Variants in TENM2 observed in about 807,000 individuals in gnomAD.
TENM2 encodes teneurin-2.
TENM2 carries 52 observed loss-of-function variants against 245.2 expected under a neutral mutation model. The observed-to-expected ratio is 0.21, with a 90% CI of 0.17 to 0.27. TENM2 has a LOEUF of 0.27. TENM2 is among the 10% of genes least tolerant of loss of function. TENM2 has a pLI of 1.00. For missense variants in TENM2, 3,046 were observed against 3,666.8 expected, an observed-to-expected ratio of 0.83 and a Z score of 4.37; for synonymous variants, 1,363 against 1,438.9, an observed-to-expected ratio of 0.95 and a Z score of 1.19.
At chr5:167,505,775 A>G (rs1341396154) in intron 2 of TENM2, among the ~76,000 whole-genome samples, 1 of 152,210 alleles carries the variant, frequency 6.6e-6, no homozygotes, top group African/African-American at 2.4e-5. Context: ...CATAAGTTGT[A>G]TAATTACTAG....
At chr5:167,578,238 C>T (rs1350959207) in intron 2 of TENM2, among the ~76,000 whole-genome samples, 1 of 152,140 alleles carries the variant, frequency 6.6e-6, no homozygotes, top group Non-Finnish European at 1.5e-5. Context: ...TCTATTCTTC[C>T]GTTAAATTGC....
Position 167,836,138 on chromosome 5 carries a change from C to CT in TENM2, c.503-39842dup, listed in dbSNP as rs573977271. The stretch of plus-strand genomic sequence containing the variant: ...AAGTTTTATTAACAAGTGACAATTA[C>CT]TTTTTTATGATACATTTAAGATAGT... On this transcript the variant is annotated intron_variant, in intron 2 of 28. Transcript: ENST00000518659. Among the ~76,000 whole-genome samples the CT allele has an allele frequency of 3.4e-3, 516 of 152,254 alleles. 3 individuals are homozygous for CT. Among genetic ancestry groups the CT allele is most frequent in the Middle Eastern group, 0.01 (3 of 292 alleles).
In TENM2 at chr5:167,515,457, G is replaced by A. The variant is rs1056692161; in HGVS notation, c.502+139984G>A. On this transcript the variant is annotated intron_variant, in intron 2 of 28. Coordinates refer to ENST00000518659, the Ensembl canonical transcript of TENM2. ...ATGAAAAGACACATAGTTTAGAAAT[G>A]TAGATCACCTTTTCATTGCCAATGG... 2.6e-5 allele frequency among the ~76,000 whole-genome samples: 4 copies of A among 151,604 alleles called. No individual in the cohort carries two copies. In the East Asian group the frequency reaches 5.9e-4, roughly 22 times the overall value.
chr5:168,039,233 G>A (rs184322181), intron 5 of TENM2, among the ~76,000 whole-genome samples: 274 of 152,248 alleles, frequency 1.8e-3, no homozygotes, highest in Middle Eastern at 0.01. Context: ...CGCGTGCCAC[G>A]TGCAGCCTGC....
At chr5:167,647,243 C>T (rs928588256) in intron 2 of TENM2, among the ~76,000 whole-genome samples, 4 of 152,196 alleles carry the variant, frequency 2.6e-5, no homozygotes, top group South Asian at 2.1e-4. Context: ...GTTGATGGAT[C>T]CACGGTGGGG....
chr5:167,899,021 G>A (rs753510883), intron 3 of TENM2, among the ~76,000 whole-genome samples: 14 of 152,054 alleles, frequency 9.2e-5, no homozygotes, highest in Non-Finnish European at 1.8e-4. Flanking sequence ...AAGAATGGAA[G>A]GGAAGAGAAG....
At chr5:167,765,301 C>G (rs891269536) in intron 2 of TENM2, among the ~76,000 whole-genome samples, 1 of 152,104 alleles carries the variant, frequency 6.6e-6, no homozygotes, top group Non-Finnish European at 1.5e-5. Context: ...TGTTTCTTTC[C>G]GTTTACAAAT....
intron 3 of TENM2, among the ~76,000 whole-genome samples, chr5:167,921,113 G>T (rs534960983): frequency 1.2e-4 from 19 of 152,294 alleles, no homozygotes; most frequent in African/African-American, 4.3e-4. Context: ...GAAAATATAT[G>T]ATTTCACCAT....
the TENM2 span, among the ~76,000 whole-genome samples, chr5:166,991,323 A>G: frequency 6.6e-6 from 1 of 152,036 alleles, no homozygotes; most frequent in Non-Finnish European, 1.5e-5. Flanking sequence ...GAATAAGAAC[A>G]TATACCAGTA....
chr5:167,945,494 T>C (rs183378497), intron 3 of TENM2, among the ~76,000 whole-genome samples: 1 of 152,304 alleles, frequency 6.6e-6, no homozygotes, highest in East Asian at 1.9e-4. Flanking sequence ...GTAGAGTGCT[T>C]ATCACACAGT....
intron 14 of TENM2, among the ~76,000 whole-genome samples, chr5:168,194,044 C>T (rs12659719): frequency 0.5 from 76,656 of 151,934 alleles, 20,159 homozygotes; most frequent in Admixed American, 0.6. Flanking sequence ...AGCATCCCTC[C>T]GGTTTTCAGG....
chr5:168,202,319 G>T (rs941870033), intron 17 of TENM2, among the ~76,000 whole-genome samples: 2 of 151,918 alleles, frequency 1.3e-5, no homozygotes, highest in East Asian at 3.9e-4. Context: ...TTGTCCAGGG[G>T]TGGCAAATTA....
chr5:167,675,941 A>C (rs115760863), intron 2 of TENM2, among the ~76,000 whole-genome samples: 1 of 152,042 alleles, frequency 6.6e-6, no homozygotes, highest in African/African-American at 2.4e-5. Context: ...TGGGTAGTAC[A>C]TGAATGTCAA....
chr5:167,532,055 G>A (rs1771540310), intron 2 of TENM2, among the ~76,000 whole-genome samples: 1 of 152,090 alleles, frequency 6.6e-6, no homozygotes, highest in Admixed American at 6.5e-5. Flanking sequence ...TAAGTGGTCT[G>A]TGTGGCCTCA....
the TENM2 span, among the ~76,000 whole-genome samples, chr5:167,067,311 T>G: frequency 2.6e-5 from 4 of 152,210 alleles, no homozygotes; most frequent in East Asian, 7.7e-4. Context: ...GAATTTTTTT[T>G]CCTTTTTTTG....
chr5:168,109,456 G>A (rs2152310569), intron 9 of TENM2, among the ~76,000 whole-genome samples: 1 of 152,332 alleles, frequency 6.6e-6, no homozygotes, highest in Middle Eastern at 3.4e-3. Context: ...CTGAATCTCA[G>A]AGAGATTCAA....
At chr5:167,427,314 G>A (rs1043379053) in intron 2 of TENM2, among the ~76,000 whole-genome samples, 2 of 152,064 alleles carry the variant, frequency 1.3e-5, no homozygotes, top group East Asian at 1.9e-4. Context: ...TTAGCTGGGC[G>A]TGGTGGTGGG....
At chr5:167,275,582 A>G in the TENM2 span, among the ~76,000 whole-genome samples, 8 of 152,118 alleles carry the variant, frequency 5.3e-5, no homozygotes, top group South Asian at 4.1e-4. Context: ...ACATGTTTTG[A>G]TAGCTTTGTA....
At chr5:167,280,271 T>G (rs1770968729), upstream of TENM2, among the ~76,000 whole-genome samples, 1 of 152,174 alleles carries the variant, frequency 6.6e-6, no homozygotes, top group African/African-American at 2.4e-5. Context: ...GGCATCTGCT[T>G]ACACCGCAGG....
Sources: allele counts gnomAD v4.1 joint callset (sites outside exome capture counted in the v4.1 genomes callset), GRCh38; gene constraint gnomAD v4.1.1; transcripts MANE v1.5; gene names NCBI Gene and HGNC (gene_info 2026-07-23, HGNC 2026-07-21).